LYPLAL1: variants seen among roughly 807,000 people sequenced by gnomAD.
LYPLAL1 encodes the protein lysophospholipase-like protein 1.
In LYPLAL1, 23 loss-of-function variants were observed where a neutral mutation model predicts 19.7. That is an observed-to-expected ratio of 1.17 (90% CI 0.84 to 1.65). The LOEUF (loss-of-function observed/expected upper bound fraction) is 1.65, where lower values mean the gene tolerates loss of function less well. Among genes scored for constraint, LYPLAL1 ranks in the 40% most tolerant of loss-of-function variants. The pLI, the probability that LYPLAL1 is intolerant of heterozygous loss-of-function variation, is 0.00. For synonymous variants in LYPLAL1, 119 were observed against 96.3 expected, an observed-to-expected ratio of 1.24 and a Z score of -1.38; for missense variants, 355 against 279.4, an observed-to-expected ratio of 1.27 and a Z score of -1.93.
the LYPLAL1 span, among the ~76,000 whole-genome samples, chr1:219,318,997 A>G: frequency 6.6e-6 from 1 of 152,184 alleles, no homozygotes; most frequent in Non-Finnish European, 1.5e-5. Flanking sequence ...TCTCTTTTTC[A>G]AATGAAAGGC....
the LYPLAL1 span, among the ~76,000 whole-genome samples, chr1:219,361,434 A>G: frequency 6.6e-6 from 1 of 152,112 alleles, no homozygotes; most frequent in South Asian, 2.1e-4. Flanking sequence ...GAACAGCTAT[A>G]TTTGCTAGGG....
At chr1:219,243,269 A>C in the LYPLAL1 span, among the ~76,000 whole-genome samples, 1 of 152,248 alleles carries the variant, frequency 6.6e-6, no homozygotes, top group East Asian at 1.9e-4. Context: ...GAAACCAAAA[A>C]CAATTGAATT....
the LYPLAL1 span, among the ~76,000 whole-genome samples, chr1:219,345,104 A>G: frequency 2.6e-5 from 4 of 152,366 alleles, no homozygotes; most frequent in Admixed American, 2.6e-4. Context: ...ATTAATAAAT[A>G]GGAATATTTC....
the LYPLAL1 span, among the ~76,000 whole-genome samples, chr1:219,343,154 T>C: frequency 1.3e-5 from 2 of 152,190 alleles, no homozygotes; most frequent in Admixed American, 6.5e-5. Context: ...TCCTCCCCAA[T>C]CAGCAATGAT....
chr1:219,252,685 A>G, the LYPLAL1 span, among the ~76,000 whole-genome samples: 1 of 151,886 alleles, frequency 6.6e-6, no homozygotes, highest in African/African-American at 2.4e-5. Flanking sequence ...TTCAGTTTAC[A>G]ATAATTTTGT....
At chr1:219,441,941 A>C in the LYPLAL1 span, among the ~76,000 whole-genome samples, 38 of 152,182 alleles carry the variant, frequency 2.5e-4, no homozygotes, top group Admixed American at 6.5e-5. Flanking sequence ...GCAAAGAATC[A>C]AAATGAGAGC....
the LYPLAL1 span, among the ~76,000 whole-genome samples, chr1:219,225,846 C>T: frequency 6.6e-6 from 1 of 152,182 alleles, no homozygotes; most frequent in Admixed American, 6.5e-5. Context: ...TATGCACAGA[C>T]AGATAGACAC....
At chr1:219,370,554 G>A in the LYPLAL1 span, among the ~76,000 whole-genome samples, 4 of 152,190 alleles carry the variant, frequency 2.6e-5, no homozygotes, top group Admixed American at 6.5e-5. Flanking sequence ...CCATGAGGAA[G>A]CAGGAAAGTG....
the LYPLAL1 span, among the ~76,000 whole-genome samples, chr1:219,337,079 C>A: frequency 6.6e-6 from 1 of 151,944 alleles, no homozygotes; most frequent in African/African-American, 2.4e-5. Flanking sequence ...CTGCTTTTAT[C>A]TTCTCATTGT....
chr1:219,206,070 A>G (rs571540990), intron 3 of LYPLAL1, among the ~76,000 whole-genome samples: 20 of 152,132 alleles, frequency 1.3e-4, no homozygotes, highest in Non-Finnish European at 2.5e-4. Context: ...GCATGTTTAA[A>G]GTTCTTTTCA....
the LYPLAL1 span, among the ~76,000 whole-genome samples, chr1:219,234,298 C>G: frequency 6.6e-6 from 1 of 152,026 alleles, no homozygotes. Flanking sequence ...TTCAGCTTTG[C>G]AAAACAAAGT....
intron 2 of LYPLAL1, among the ~76,000 whole-genome samples, chr1:219,191,141 A>G (rs1657149967): frequency 6.6e-6 from 1 of 151,622 alleles, no homozygotes. Context: ...GGGCAAAAGG[A>G]TATTTTCCTA....
the LYPLAL1 span, among the ~76,000 whole-genome samples, chr1:219,424,441 T>C: frequency 6.6e-6 from 1 of 152,212 alleles, no homozygotes; most frequent in Non-Finnish European, 1.5e-5. Flanking sequence ...TCACATTAGC[T>C]ATGTAGCTGC....
the LYPLAL1 span, among the ~76,000 whole-genome samples, chr1:219,315,302 T>C: frequency 6.6e-6 from 1 of 152,192 alleles, no homozygotes; most frequent in Non-Finnish European, 1.5e-5. Flanking sequence ...CAAAAATTTT[T>C]ATGAAATTTA....
chr1:219,262,367 T>C, the LYPLAL1 span, among the ~76,000 whole-genome samples: 1 of 152,186 alleles, frequency 6.6e-6, no homozygotes, highest in African/African-American at 2.4e-5. Flanking sequence ...AGATTTCTTC[T>C]TGGTTTGGAT....
chr1:219,290,661 T>G, the LYPLAL1 span, among the ~76,000 whole-genome samples: 1 of 152,168 alleles, frequency 6.6e-6, no homozygotes, highest in Non-Finnish European at 1.5e-5. Flanking sequence ...CTTCTCTGTC[T>G]GCGGAATAGC....
the LYPLAL1 span, among the ~76,000 whole-genome samples, chr1:219,412,125 C>T: frequency 1.1e-4 from 17 of 152,222 alleles, no homozygotes; most frequent in South Asian, 6.2e-4. Flanking sequence ...CTTATCTCAC[C>T]GCAGCCTCAA....
At chr1:219,263,827 G>T in the LYPLAL1 span, among the ~76,000 whole-genome samples, 27 of 152,270 alleles carry the variant, frequency 1.8e-4, no homozygotes, top group African/African-American at 6.3e-4. Flanking sequence ...TGGGATGTGT[G>T]TTCAGAGGCA....
intron 3 of LYPLAL1, chr1:219,200,227 G>T: frequency 7.9e-6 from 2 of 254,072 alleles, no homozygotes; most frequent in South Asian, 7.6e-5. Context: ...TGCTTATCTC[G>T]AGCCAAGAAA....
Sources: allele counts gnomAD v4.1 joint callset (sites outside exome capture counted in the v4.1 genomes callset), GRCh38; gene constraint gnomAD v4.1.1; transcripts MANE v1.5; gene names NCBI Gene and HGNC (gene_info 2026-07-23, HGNC 2026-07-21).